KCNK10: variants seen among roughly 807,000 people sequenced by gnomAD.
The protein encoded by KCNK10 is potassium channel subfamily K member 10.
Under a neutral mutation model 47.7 loss-of-function variants are expected in KCNK10, and 25 were observed. That is an observed-to-expected ratio of 0.52 (90% confidence interval 0.38 to 0.73). KCNK10 has a LOEUF of 0.73. Ranked by LOEUF, KCNK10 falls within the 30% of genes least tolerant of loss-of-function variation. KCNK10 has a pLI of 0.00. For missense variants in KCNK10, 563 were observed against 714.5 expected (o/e 0.79, Z 2.42); for synonymous variants, 303 against 285.6 (o/e 1.06, Z -0.61).
intron 1 of KCNK10, among the ~76,000 whole-genome samples, chr14:88,276,680 T>A (rs936159817): frequency 2.0e-5 from 3 of 152,232 alleles, no homozygotes; most frequent in African/African-American, 7.2e-5. Flanking sequence ...CCTGGAAATA[T>A]CCCTGTATAA....
intron 2 of KCNK10, among the ~76,000 whole-genome samples, chr14:88,262,258 CTT>C (rs1026202358): frequency 6.6e-6 from 1 of 152,220 alleles, no homozygotes; most frequent in African/African-American, 2.4e-5. Flanking sequence ...AAAACCCACT[CTT>C]TGTAGTTCAG....
upstream of KCNK10, chr14:88,326,441 G>T (rs754992323): frequency 2.5e-6 from 4 of 1,613,436 alleles, no homozygotes; most frequent in African/African-American, 5.3e-5. Context: ...AGAAGTCTGT[G>T]TAGAGAAAAA....
intron 1 of KCNK10, among the ~76,000 whole-genome samples, chr14:88,314,863 G>T (rs982284785): frequency 6.6e-6 from 1 of 152,198 alleles, no homozygotes; most frequent in Non-Finnish European, 1.5e-5. Context: ...AAGAAGTAAT[G>T]GCTGTAATTA....
chr14:88,275,224 C>T (rs1451628602), intron 1 of KCNK10, among the ~76,000 whole-genome samples: 1 of 152,142 alleles, frequency 6.6e-6, no homozygotes, highest in African/African-American at 2.4e-5. Context: ...GTCAAACCCG[C>T]AGTTCCTCTG....
At chr14:88,275,545 G>A (rs1015199566) in intron 1 of KCNK10, among the ~76,000 whole-genome samples, 3 of 152,014 alleles carry the variant, frequency 2.0e-5, no homozygotes, top group Non-Finnish European at 2.9e-5. Context: ...GTGAAGGAGT[G>A]GGTGATACAA....
chr14:88,303,129 G>A (rs568145835), intron 1 of KCNK10, among the ~76,000 whole-genome samples: 1 of 152,258 alleles, frequency 6.6e-6, no homozygotes, highest in Non-Finnish European at 1.5e-5. Flanking sequence ...CCTGCTTTTA[G>A]ACGACATAAT....
At position 88,323,227 on chromosome 14, in the gene KCNK10, C is replaced by T. The variant is rs1288537151; in HGVS notation, c.-429G>A. The T allele has an allele frequency of 5.9e-6, 6 of 1,012,926 alleles. No individual in the cohort carries two copies. Among genetic ancestry groups the T allele is most frequent in the South Asian group, 8.1e-5 (2 of 24,586 alleles). The allele number at this position is 1,012,926 out of a possible 1,614,324, so 62.7% of individuals were successfully genotyped here. A position where few individuals can be genotyped will look rare whatever the true frequency, so the allele number is the denominator to read the frequency against. ...CCCCGAAGGCGTGTGCGCACACACT[C>T]CCGCACACACACACCCGCACACACA... On this transcript the variant is annotated 5_prime_UTR_variant, in exon 1 of 7. Coordinates refer to ENST00000319231, the MANE Select transcript of KCNK10 (RefSeq NM_138317.3).
intron 4 of KCNK10, among the ~76,000 whole-genome samples, chr14:88,223,207 G>C (rs565777056): frequency 2.0e-5 from 3 of 152,104 alleles, no homozygotes; most frequent in Non-Finnish European, 4.4e-5. Flanking sequence ...GCAACTGACT[G>C]TCCAACCTTG....
chr14:88,273,995 C>T (rs1887469520), intron 1 of KCNK10, among the ~76,000 whole-genome samples: 1 of 152,104 alleles, frequency 6.6e-6, no homozygotes, highest in African/African-American at 2.4e-5. Flanking sequence ...TCCCAGGTGT[C>T]TTGTCAAAAG....
At chr14:88,262,256 C>A (rs1887131516) in intron 2 of KCNK10, among the ~76,000 whole-genome samples, 1 of 152,226 alleles carries the variant, frequency 6.6e-6, no homozygotes, top group Non-Finnish European at 1.5e-5. Context: ...CCAAAACCCA[C>A]TCTTTGTAGT....
chr14:88,326,231 C>G (rs528608241), upstream of KCNK10, among the ~76,000 whole-genome samples: 10 of 138,812 alleles, frequency 7.2e-5, no homozygotes, highest in Admixed American at 2.3e-4. Context: ...AATCCCAGTA[C>G]CGTTTCCCAA....
intron 1 of KCNK10, among the ~76,000 whole-genome samples, chr14:88,314,912 A>G (rs989709275): frequency 6.6e-6 from 1 of 152,222 alleles, no homozygotes; most frequent in Non-Finnish European, 1.5e-5. Context: ...TCACAGAAAA[A>G]TGAAGCAATG....
intron 1 of KCNK10, among the ~76,000 whole-genome samples, chr14:88,263,824 GA>G (rs1413495990): frequency 6.6e-6 from 1 of 151,516 alleles, no homozygotes; most frequent in Non-Finnish European, 1.5e-5. Context: ...GGTCCAAATT[GA>G]AAGCTATCTC....
intron 1 of KCNK10, among the ~76,000 whole-genome samples, chr14:88,316,571 G>C (rs1888435339): frequency 6.6e-6 from 1 of 152,270 alleles, no homozygotes; most frequent in African/African-American, 2.4e-5. Context: ...CTAGTGCCAT[G>C]GTTAGGTAGA....
At chr14:88,303,368 A>G (rs1172234607) in intron 1 of KCNK10, among the ~76,000 whole-genome samples, 1 of 152,186 alleles carries the variant, frequency 6.6e-6, no homozygotes, top group East Asian at 1.9e-4. Flanking sequence ...AGGTGATGCA[A>G]TGTCCATAAG....
At chr14:88,245,145 T>C (rs975012573) in intron 2 of KCNK10, among the ~76,000 whole-genome samples, 2 of 152,208 alleles carry the variant, frequency 1.3e-5, no homozygotes, top group African/African-American at 2.4e-5. Context: ...AATTTAGATA[T>C]ATTATCTTCC....
At position 88,183,450 on chromosome 14, in the gene KCNK10, G is replaced by A. The variant is rs1006018448; in HGVS notation, c.*2085C>T. 2 of 152,352 alleles carry A rather than the reference G, an allele frequency of 1.3e-5. No individual in the cohort carries two copies. Among genetic ancestry groups the A allele is most frequent in the Admixed American group, 6.5e-5 (1 of 15,286 alleles). 9.4% of individuals were successfully genotyped at this position (152,352 alleles called of 1,614,324 possible). ...ATGGACAGTTTAATTAGGAAGCTTC[G>A]ACTTGTTAGAATAACAGAGGAAGTC... On this transcript the variant is annotated 3_prime_UTR_variant, in exon 7 of 7. Transcript: ENST00000319231.
intron 5 of KCNK10, among the ~76,000 whole-genome samples, chr14:88,190,887 C>G (rs891162863): frequency 6.6e-6 from 1 of 152,076 alleles, no homozygotes; most frequent in Admixed American, 6.5e-5. Context: ...GAGACCAGAA[C>G]CCATCCTCCT....
chr14:88,291,221 G>A (rs190192185), intron 1 of KCNK10, among the ~76,000 whole-genome samples: 13 of 152,176 alleles, frequency 8.5e-5, no homozygotes, highest in African/African-American at 2.2e-4. Context: ...TGAGCACCCC[G>A]CCCCTCGTTC....
Sources: allele counts gnomAD v4.1 joint callset (sites outside exome capture counted in the v4.1 genomes callset), GRCh38; gene constraint gnomAD v4.1.1; transcripts MANE v1.5; gene names NCBI Gene and HGNC (gene_info 2026-07-23, HGNC 2026-07-21).